AHCTF1: variants seen among roughly 807,000 people sequenced by gnomAD.
The protein encoded by AHCTF1 is AT-hook containing transcription factor 1.
Under a neutral mutation model 248.4 loss-of-function variants are expected in AHCTF1, and 24 were observed. The ratio of observed to expected loss-of-function variants is 0.10; its 90% CI spans 0.07 to 0.14. The LOEUF is 0.14. Ranked by LOEUF, AHCTF1 falls within the 10% of genes least tolerant of loss-of-function variation. The pLI, the probability that AHCTF1 is intolerant of heterozygous loss-of-function variation, is 1.00. For synonymous variants in AHCTF1, 786 were observed against 929.8 expected, an observed-to-expected ratio of 0.85 and a Z score of 2.81; for missense variants, 2,206 against 2,636.2, an observed-to-expected ratio of 0.84 and a Z score of 3.57.
chr1:246,916,978 G>A (rs959272945), intron 2 of AHCTF1, among the ~76,000 whole-genome samples: 1 of 152,202 alleles, frequency 6.6e-6, no homozygotes, highest in Non-Finnish European at 1.5e-5. Context: ...ATGATAGGAA[G>A]TCTCAGAACC....
chr1:246,898,256 G>A lies in AHCTF1; in HGVS notation c.1575C>T (p.Gly525=). 1.9e-6 allele frequency: 3 copies of A among 1,612,406 alleles called. No homozygotes were observed. The highest frequency in any genetic ancestry group is 2.5e-6 in the Non-Finnish European group (3 of 1,179,974). The part of the protein sequence containing the change: ...PDGYNRCLVA[G]LLSPRFVDVQ... ...CATCAACAAATCTTGGGGAAAGAAG[G>A]CCAGCTACAAGACATCGATTATAAC... The change falls in exon 12 of 36, where the codon GGC becomes GGT. Residue 525 remains glycine, a synonymous_variant. Coordinates refer to ENST00000648844, the MANE Select transcript of AHCTF1 (RefSeq NM_001323342.2).
intron 29 of AHCTF1, among the ~76,000 whole-genome samples, chr1:246,858,568 A>ATG (rs1661278875): frequency 1.3e-5 from 2 of 151,974 alleles, no homozygotes; most frequent in African/African-American, 4.8e-5. Flanking sequence ...GGAGGCTCAT[A>ATG]CCTGTAATCC....
At chr1:246,867,837 A>G in intron 24 of AHCTF1, 26 bp from the exon 25 acceptor site, 2 of 1,581,628 alleles carry the variant, frequency 1.3e-6, no homozygotes, top group African/African-American at 1.4e-5. Context: ...CGCTGGAATT[A>G]AGTGCATCTC....
intron 30 of AHCTF1, among the ~76,000 whole-genome samples, chr1:246,856,934 C>G (rs1661149983): frequency 1.3e-5 from 2 of 152,212 alleles, no homozygotes; most frequent in African/African-American, 4.8e-5. Context: ...TACTGAATCA[C>G]CCTTACTACT....
At position 246,902,605 on chromosome 1, in the gene AHCTF1, G is replaced by A. The variant is rs760662305; in HGVS notation, c.1037C>T (p.Thr346Met). 13 of 1,612,322 alleles carry A rather than the reference G, an allele frequency of 8.1e-6. No individual in the cohort carries two copies. Among genetic ancestry groups the A allele is most frequent in the Admixed American group, 3.3e-5 (2 of 59,940 alleles). ...TGGMFPLRGQTSNTKLLGCQS... is the reference protein window; with the variant it reads ...TGGMFPLRGQMSNTKLLGCQS... ...GCATCCCAACAATTTGGTATTACTC[G>A]TCTGTCCCCTCAAAGGGAACATGCC... Residue 346 changes from threonine (T) to methionine (M), a missense_variant, in exon 8 of 36, where the codon ACG (threonine) becomes ATG (methionine). Physicochemically the swap from Thr to Met is moderately conservative, Grantham distance 81. Around this residue, in one of 6 missense-constraint regions of AHCTF1, gnomAD observed 650 missense variants for 870.8 expected, o/e 0.75. Coordinates refer to ENST00000648844, the MANE Select transcript of AHCTF1 (RefSeq NM_001323342.2).
chr1:246,926,046 TAAAAAAAAA>T (rs35982364), intron 1 of AHCTF1, among the ~76,000 whole-genome samples: 1 of 121,268 alleles, frequency 8.2e-6, no homozygotes, highest in Non-Finnish European at 1.7e-5. Flanking sequence ...ACCCTGTCTT[TAAAAAAAAA>T]AAAAAAAAAA....
At chr1:246,922,255 G>A (rs1475982756) in intron 1 of AHCTF1, among the ~76,000 whole-genome samples, 2 of 152,154 alleles carry the variant, frequency 1.3e-5, no homozygotes, top group Middle Eastern at 3.2e-3. Flanking sequence ...AGCTACTCAG[G>A]AGGCTGAGAA....
chr1:246,866,683 A>G (rs891824540), intron 26 of AHCTF1, among the ~76,000 whole-genome samples: 2 of 152,192 alleles, frequency 1.3e-5, no homozygotes, highest in Non-Finnish European at 2.9e-5. Context: ...CATATTAAGG[A>G]CAAAGAATCA....
Position 246,885,608 on chromosome 1 carries a change from C to A in AHCTF1, c.2545G>T (p.Ala849Ser). 1 of 1,612,490 alleles carries A rather than the reference C, an allele frequency of 6.2e-7. No homozygotes were observed. Among genetic ancestry groups the A allele is most frequent in the Non-Finnish European group, 8.5e-7 (1 of 1,179,000 alleles). The change falls in exon 21 of 36, where the codon GCA becomes TCA. Residue 849 changes from alanine (A) to serine (S), a missense_variant. Physicochemically the swap from Ala to Ser is moderately conservative, Grantham distance 99. This residue lies in a region of AHCTF1 where 650 missense variants were observed against 870.8 expected (regional missense o/e 0.75). Transcript: ENST00000648844. ...CTGTGCTCGCCCTGACTCATGAATGCCTGAATAATCTTTGAATGTTGCCAT... is the reference window on the plus strand; with the variant it reads ...CTGTGCTCGCCCTGACTCATGAATGACTGAATAATCTTTGAATGTTGCCAT... ...LSWQHSKIIQ[A>S]FMSQGEHRQA...
In AHCTF1 at chr1:246,851,120, C is replaced by G; in HGVS notation, c.4886G>C (p.Ser1629Thr). The stretch of plus-strand genomic sequence containing the variant: ...TTGTCCATGATTATCATTTTCCCCA[C>G]TGCATACAAGTTTTTCTTCAGTTGC... ...NTATEEKLVCSGENDNHGQIA... is the reference protein window; with the variant it reads ...NTATEEKLVCTGENDNHGQIA... The change falls in exon 33 of 36, where the codon AGT becomes ACT. Residue 1629 changes from serine to threonine, a missense_variant. By Grantham distance (58) the Ser-to-Thr change is moderately conservative. Around this residue, in one of 6 missense-constraint regions of AHCTF1, gnomAD observed 955 missense variants for 1,055.6 expected, o/e 0.90. Transcript: ENST00000648844. 3.7e-6 allele frequency: 6 copies of G among 1,613,932 alleles called. No individual in the cohort carries two copies. Among genetic ancestry groups the G allele is most frequent in the African/African-American group, 1.3e-5 (1 of 75,024 alleles).
intron 24 of AHCTF1, among the ~76,000 whole-genome samples, chr1:246,873,325 C>T (rs571371166): frequency 3.3e-5 from 5 of 152,344 alleles, no homozygotes; most frequent in Non-Finnish European, 2.9e-5. Context: ...CCTTTTATTA[C>T]TGTGGCTGAT....
chr1:246,921,559 T>G (rs558309507), intron 1 of AHCTF1, among the ~76,000 whole-genome samples: 3 of 152,246 alleles, frequency 2.0e-5, no homozygotes, highest in Middle Eastern at 3.4e-3. Flanking sequence ...ATATGCCTAA[T>G]CAGAATCCCC....
At chr1:246,891,752 ACT>A in intron 15 of AHCTF1, 25 bp downstream of exon 15, 1 of 1,602,042 alleles carries the variant, frequency 6.2e-7, no homozygotes, top group East Asian at 2.2e-5. Context: ...TTAATAAAAC[ACT>A]CATTTGATAA....
rs541271095 is a variant in AHCTF1 at position 246,850,549 on chromosome 1, A to G, written c.5457T>C (p.Asn1819=). Residue 1819 remains asparagine, a synonymous_variant, in exon 33 of 36, where the codon AAT becomes AAC. Coordinates refer to ENST00000648844, the MANE Select transcript of AHCTF1 (RefSeq NM_001323342.2). ...AACTGGTGTTTTCTAGTATGTCCTGATTAACTTCTTTCTTTCTCCTTCCTC... is the reference window on the plus strand; with the variant it reads ...AACTGGTGTTTTCTAGTATGTCCTGGTTAACTTCTTTCTTTCTCCTTCCTC... ...PRRGRRKKEV[N]QDILENTSSV... 19 of 1,608,496 alleles carry G rather than the reference A, an allele frequency of 1.2e-5. No homozygotes were observed. The South Asian group carries it at 2.1e-4, about 18-fold the overall frequency.
intron 24 of AHCTF1, among the ~76,000 whole-genome samples, chr1:246,871,868 AAAT>A (rs770318564): frequency 2.6e-5 from 4 of 152,268 alleles, no homozygotes; most frequent in Non-Finnish European, 5.9e-5. Flanking sequence ...GGTTATTAAA[AAAT>A]AATAACAACC....
chr1:246,859,246 T>C (rs1450550637), intron 29 of AHCTF1, among the ~76,000 whole-genome samples: 1 of 152,222 alleles, frequency 6.6e-6, no homozygotes, highest in African/African-American at 2.4e-5. Flanking sequence ...GTATGTAGTT[T>C]TACAGCTTTA....
rs139015537 is a variant in AHCTF1, at chr1:246,864,846, C to CAAAAA, written c.3348-735_3348-731dup. ...TGGGCGACAGAGCGAGACTCCGTCTCAAAAAAAAAAAAAAAAAAAAAAAAA... is the reference window on the plus strand; with the variant it reads ...TGGGCGACAGAGCGAGACTCCGTCTCAAAAAAAAAAAAAAAAAAAAAAAAAAAAAA... On this transcript the variant is annotated intron_variant, in intron 26 of 35. Coordinates refer to ENST00000648844, the MANE Select transcript of AHCTF1 (RefSeq NM_001323342.2). Among the ~76,000 whole-genome samples, 10 of 2,260 alleles carry CAAAAA rather than the reference C, an allele frequency of 4.4e-3. 4 individuals carry two copies. Among genetic ancestry groups the CAAAAA allele is most frequent in the African/African-American group, 0.033 (2 of 60 alleles). The allele number at this position is 2,260 out of a possible 152,430, so 1.5% of individuals were successfully genotyped here. A position where few individuals can be genotyped will look rare whatever the true frequency, so the allele number is the denominator to read the frequency against.
In AHCTF1 at chr1:246,888,178, A is replaced by G; in HGVS notation, c.2324T>C (p.Ile775Thr). Residue 775 changes from isoleucine to threonine, a missense_variant and splice_region_variant, in exon 19 of 36, where the codon ATT (isoleucine) becomes ACT (threonine). Physicochemically the swap from Ile to Thr is moderately conservative, Grantham distance 89. Around this residue, in one of 6 missense-constraint regions of AHCTF1, gnomAD observed 650 missense variants for 870.8 expected, o/e 0.75. Transcript: ENST00000648844. ...ACTGGATAAAACTTAAAAGGATACAATAGAGTGTTTGGCTGCTTCAGTAAC... is the reference window on the plus strand; with the variant it reads ...ACTGGATAAAACTTAAAAGGATACAGTAGAGTGTTTGGCTGCTTCAGTAAC... ...DGVTEAAKHSITIYLLLDIMY... is the reference protein window; with the variant it reads ...DGVTEAAKHSTTIYLLLDIMY... 1 of 1,614,012 alleles carries G rather than the reference A, an allele frequency of 6.2e-7. No homozygotes were observed. The highest frequency in any genetic ancestry group is 1.1e-5 in the South Asian group (1 of 91,082).
chr1:246,891,559 T>G (rs189465346), intron 15 of AHCTF1, among the ~76,000 whole-genome samples: 44 of 152,328 alleles, frequency 2.9e-4, no homozygotes, highest in African/African-American at 9.4e-4. Flanking sequence ...ATCATTAACT[T>G]CAGAATTTCC....
Sources: allele counts gnomAD v4.1 joint callset (sites outside exome capture counted in the v4.1 genomes callset), GRCh38; gene constraint gnomAD v4.1.1; regional missense constraint gnomAD v4.1.1; transcripts MANE v1.5; gene names NCBI Gene and HGNC (gene_info 2026-07-23, HGNC 2026-07-21).